PRKCE: variants seen among roughly 807,000 people sequenced by gnomAD.
The protein encoded by PRKCE is protein kinase C epsilon type.
A neutral mutation model predicts 85.4 loss-of-function variants in PRKCE; 16 were observed. The ratio of observed to expected loss-of-function variants is 0.19; its 90% CI spans 0.13 to 0.28. PRKCE has a LOEUF of 0.28. Ranked by LOEUF, PRKCE falls within the 10% of genes least tolerant of loss-of-function variation. The probability of loss-of-function intolerance (pLI) is 1.00; values close to 1 mark genes in which losing one functional copy is unlikely to be tolerated. For synonymous variants in PRKCE, 388 were observed against 371.5 expected (o/e 1.04, Z -0.51); for missense variants, 573 against 975.2 (o/e 0.59, Z 5.49).
chr2:45,870,304 G>A (rs1053732779), intron 2 of PRKCE, among the ~76,000 whole-genome samples: 2 of 152,212 alleles, frequency 1.3e-5, no homozygotes, highest in Admixed American at 1.3e-4. Context: ...GGGGATCCTA[G>A]GAAAGGGGTC....
At position 46,187,973 on chromosome 2, in the gene PRKCE, C is replaced by T. The variant is rs1018407526; in HGVS notation, c.*3092C>T. The T allele has an allele frequency of 2.0e-5, 3 of 152,584 alleles. No homozygotes were observed. Among genetic ancestry groups the T allele is most frequent in the African/African-American group, 7.2e-5 (3 of 41,436 alleles). 9.5% of individuals were successfully genotyped at this position (152,584 alleles called of 1,614,324 possible). A position where few individuals can be genotyped will look rare whatever the true frequency, so the allele number is the denominator to read the frequency against. ...GTATTGTTTCAGAACCTAATAAATA[C>T]AATGACGTTAAGTCTTATTTTCAGT... On this transcript the variant is annotated 3_prime_UTR_variant, in exon 15 of 15. Coordinates refer to ENST00000306156, the MANE Select transcript of PRKCE (RefSeq NM_005400.3).
chr2:45,718,103 A>C (rs1047330242), intron 1 of PRKCE, among the ~76,000 whole-genome samples: 4 of 152,198 alleles, frequency 2.6e-5, no homozygotes, highest in South Asian at 2.1e-4. Context: ...TTTGGGCCGG[A>C]TAACTTTTCA....
intron 1 of PRKCE, among the ~76,000 whole-genome samples, chr2:45,736,160 C>T (rs142699053): frequency 8.4e-4 from 128 of 152,210 alleles, no homozygotes; most frequent in African/African-American, 2.9e-3. Context: ...AGGTTTTCAC[C>T]ATGTTGGCTG....
intron 1 of PRKCE, among the ~76,000 whole-genome samples, chr2:45,797,838 T>C (rs186133791): frequency 9.2e-5 from 14 of 152,302 alleles, no homozygotes; most frequent in Admixed American, 3.9e-4. Flanking sequence ...GTGCTCTACC[T>C]CAGTAAAGGT....
chr2:45,869,704 C>T (rs200858538), intron 2 of PRKCE, among the ~76,000 whole-genome samples: 10,874 of 115,996 alleles, frequency 0.094, 700 homozygotes, highest in East Asian at 0.4. Flanking sequence ...GTTTCTCTCT[C>T]TCTTTTTTTT....
chr2:45,676,148 T>C (rs1163689026), intron 1 of PRKCE: 1 of 152,190 alleles, frequency 6.6e-6, no homozygotes, highest in East Asian at 1.9e-4. Context: ...TCAGGATAGC[T>C]TCACTGGGGG....
In PRKCE at chr2:46,139,390, A is replaced by T. The variant is rs1349901226; in HGVS notation, c.1593-5703A>T. 3.3e-5 allele frequency among the ~76,000 whole-genome samples: 5 copies of T among 152,188 alleles called. No homozygotes were observed. Among genetic ancestry groups the T allele is most frequent in the Non-Finnish European group, 7.3e-5 (5 of 68,030 alleles). ...CATGTGTGAGCAGATAGAAGATATA[A>T]CGGAAGAAAGCCCCCATTTACCAGA... On this transcript the variant is annotated intron_variant, in intron 11 of 14. Coordinates refer to ENST00000306156, the MANE Select transcript of PRKCE (RefSeq NM_005400.3). This position sits in a 1 kb window ranked among gnomAD's most constrained non-coding sequence, Gnocchi z 5.2.
chr2:46,049,949 C>T (rs1002142074), intron 10 of PRKCE, among the ~76,000 whole-genome samples: 8 of 152,154 alleles, frequency 5.3e-5, no homozygotes, highest in African/African-American at 1.9e-4. Flanking sequence ...CTGAGAGGTA[C>T]CCCCAGCATG....
intron 14 of PRKCE, among the ~76,000 whole-genome samples, chr2:46,177,935 G>A (rs1679583319): frequency 6.6e-6 from 1 of 152,176 alleles, no homozygotes; most frequent in East Asian, 1.9e-4. Flanking sequence ...GAACTGAGCA[G>A]TCACTTCTGG....
chr2:46,183,275 T>C (rs1256525748), intron 14 of PRKCE, among the ~76,000 whole-genome samples: 1 of 152,250 alleles, frequency 6.6e-6, no homozygotes, highest in Non-Finnish European at 1.5e-5. Flanking sequence ...AACTTGCCAA[T>C]GTGCATAGCA....
At chr2:45,751,807 C>CTTTTTTTT (rs1444919980) in intron 1 of PRKCE, among the ~76,000 whole-genome samples, 2 of 124,216 alleles carry the variant, frequency 1.6e-5, no homozygotes, top group Non-Finnish European at 3.2e-5. Context: ...AAGCTAACCA[C>CTTTTTTTT]TATTTTTTTT....
At chr2:46,152,398 C>T (rs1313159847) in intron 13 of PRKCE, among the ~76,000 whole-genome samples, 1 of 150,372 alleles carries the variant, frequency 6.7e-6, no homozygotes, top group Admixed American at 6.6e-5. Context: ...GCCAGGCTGG[C>T]CTTGAACTCT....
At chr2:46,170,493 G>A (rs576042508) in intron 14 of PRKCE, among the ~76,000 whole-genome samples, 2 of 152,302 alleles carry the variant, frequency 1.3e-5, no homozygotes, top group South Asian at 2.1e-4. Flanking sequence ...AAGGGAGAGA[G>A]TTACATCTGT....
intron 1 of PRKCE, among the ~76,000 whole-genome samples, chr2:45,665,263 T>G (rs1174371460): frequency 6.6e-6 from 1 of 152,268 alleles, no homozygotes; most frequent in African/African-American, 2.4e-5. Context: ...GAAATCCTTT[T>G]CTTCCTTTAA....
intron 10 of PRKCE, chr2:46,011,055 A>G (rs1449877877): frequency 1.3e-6 from 1 of 793,848 alleles, no homozygotes; most frequent in Admixed American, 3.7e-5. Context: ...GTAAAGAAAC[A>G]AAGATAATCC....
At chr2:46,060,268 A>G (rs570391069) in intron 10 of PRKCE, among the ~76,000 whole-genome samples, 2 of 152,308 alleles carry the variant, frequency 1.3e-5, no homozygotes, top group South Asian at 2.1e-4. Context: ...AAGCAAATGT[A>G]TGATTGAGGT....
intron 2 of PRKCE, among the ~76,000 whole-genome samples, chr2:45,922,727 C>T (rs1312417255): frequency 1.3e-5 from 2 of 152,142 alleles, no homozygotes; most frequent in East Asian, 1.9e-4. Context: ...TCCTCTGGCT[C>T]GTGTTGCTAA....
chr2:45,946,061 T>C (rs1385138626), intron 2 of PRKCE, among the ~76,000 whole-genome samples: 1 of 152,260 alleles, frequency 6.6e-6, no homozygotes, highest in Non-Finnish European at 1.5e-5. Context: ...CTGGACAGGA[T>C]TGGTTATGAA....
intron 1 of PRKCE, among the ~76,000 whole-genome samples, chr2:45,795,349 C>T (rs1043291523): frequency 6.6e-6 from 1 of 152,188 alleles, no homozygotes; most frequent in Non-Finnish European, 1.5e-5. Flanking sequence ...GCTCTTGTCA[C>T]CCAGGCTGGA....
Sources: allele counts gnomAD v4.1 joint callset (sites outside exome capture counted in the v4.1 genomes callset), GRCh38; gene constraint gnomAD v4.1.1; non-coding constraint Gnocchi (gnomAD v3.1); transcripts MANE v1.5; gene names NCBI Gene and HGNC (gene_info 2026-07-23, HGNC 2026-07-21).